CRY1: variants seen among roughly 807,000 people sequenced by gnomAD.
CRY1 encodes the protein cryptochrome-1.
In CRY1, 45 loss-of-function variants were observed where a neutral mutation model predicts 76.0. That is an observed-to-expected ratio of 0.59 (90% confidence interval 0.47 to 0.76). The LOEUF is 0.76. Among genes scored for constraint, CRY1 ranks in the 30% least tolerant of loss-of-function variants. The probability of loss-of-function intolerance (pLI) is 0.00; values close to 1 mark genes in which losing one functional copy is unlikely to be tolerated. For missense variants in CRY1, 587 were observed against 716.4 expected, an observed-to-expected ratio of 0.82 and a Z score of 2.06; for synonymous variants, 248 against 244.0, an observed-to-expected ratio of 1.02 and a Z score of -0.15.
intron 1 of CRY1, among the ~76,000 whole-genome samples, chr12:107,032,018 T>C (rs1052531309): frequency 1.3e-5 from 2 of 152,214 alleles, no homozygotes; most frequent in Admixed American, 1.3e-4. Flanking sequence ...CACTGCAACC[T>C]CCACCTCCCG....
At chr12:107,062,176 T>C (rs1295090106) in intron 1 of CRY1, among the ~76,000 whole-genome samples, 3 of 152,086 alleles carry the variant, frequency 2.0e-5, no homozygotes, top group African/African-American at 4.8e-5. Context: ...CATCGTATTA[T>C]GAATAAATGT....
intron 1 of CRY1, among the ~76,000 whole-genome samples, chr12:107,079,223 T>C (rs1953293679): frequency 2.0e-5 from 3 of 152,182 alleles, no homozygotes. Context: ...AAACTCATGA[T>C]GACTAGTTCA....
At chr12:107,027,196 A>G (rs1952626345) in intron 1 of CRY1, among the ~76,000 whole-genome samples, 1 of 152,182 alleles carries the variant, frequency 6.6e-6, no homozygotes. Flanking sequence ...TAGAGTTCAG[A>G]TTCAGTGTGT....
chr12:106,997,631 G>T lies in CRY1; in HGVS notation c.1349C>A (p.Ala450Glu). 6.2e-7 allele frequency: 1 copy of T among 1,614,100 alleles called. No individual in the cohort carries two copies. The highest frequency in any genetic ancestry group is 1.6e-4 in the Middle Eastern group (1 of 6,062). Residue 450 changes from alanine to glutamate, a missense_variant, in exon 9 of 13, where the codon GCA becomes GAA. Coordinates refer to ENST00000008527, the MANE Select transcript of CRY1 (RefSeq NM_004075.5). ...GGCTACCTTTTGGATACCTTCTGGT[G>T]CATTCCAGGGATCATAGATATATTT... Reference protein sequence around the residue: ...PAKYIYDPWNAPEGIQKVAKC... With the variant: ...PAKYIYDPWNEPEGIQKVAKC...
intron 1 of CRY1, among the ~76,000 whole-genome samples, chr12:107,053,562 C>T (rs1437324377): frequency 6.6e-6 from 1 of 152,162 alleles, no homozygotes; most frequent in Admixed American, 6.5e-5. Context: ...AGGTGATTTG[C>T]CTGCCTCGGC....
intron 2 of CRY1, among the ~76,000 whole-genome samples, chr12:107,014,049 T>TA (rs1411049440): frequency 1.3e-5 from 2 of 152,070 alleles, no homozygotes; most frequent in Non-Finnish European, 2.9e-5. Flanking sequence ...AAGGAATGAA[T>TA]AAAAAACTTA....
Position 107,050,590 on chromosome 12 carries a change from C to T in CRY1, c.159-28398G>A, listed in dbSNP as rs146569952. The stretch of plus-strand genomic sequence containing the variant: ...ATTGTAAGTTTCCTGAGGCCCTCAA[C>T]AGAAGCAAGTGTTAGCAGCAGCTTC... On this transcript the variant is annotated intron_variant, in intron 1 of 12. Coordinates refer to ENST00000008527, the MANE Select transcript of CRY1 (RefSeq NM_004075.5). Among the ~76,000 whole-genome samples the T allele has an allele frequency of 2.1e-3, 324 of 152,310 alleles. 4 individuals carry two copies. Among genetic ancestry groups the T allele is most frequent in the African/African-American group, 7.5e-3 (312 of 41,560 alleles).
chr12:107,058,736 T>C (rs919077084), intron 1 of CRY1, among the ~76,000 whole-genome samples: 2 of 152,220 alleles, frequency 1.3e-5, no homozygotes, highest in Non-Finnish European at 2.9e-5. Flanking sequence ...AAATTCTGAA[T>C]GTTGATAAGA....
intron 1 of CRY1, 114 bp downstream of exon 1, chr12:107,092,690 G>T: frequency 6.8e-7 from 1 of 1,461,528 alleles, no homozygotes; most frequent in Non-Finnish European, 9.4e-7. Context: ...TTCGTAAGCG[G>T]TATAAGCAAG....
At chr12:107,031,001 CT>C (rs1395543046) in intron 1 of CRY1, among the ~76,000 whole-genome samples, 2 of 152,114 alleles carry the variant, frequency 1.3e-5, no homozygotes, top group Non-Finnish European at 2.9e-5. Flanking sequence ...CCAACACAAG[CT>C]TTAACATTTC....
At chr12:107,007,529 TC>T (rs1952388378) in intron 2 of CRY1, among the ~76,000 whole-genome samples, 2 of 151,362 alleles carry the variant, frequency 1.3e-5, no homozygotes, top group African/African-American at 4.9e-5. Context: ...CTCTTTTTCT[TC>T]TTTTTTTTTT....
chr12:107,033,522 C>T (rs1952701261), intron 1 of CRY1, among the ~76,000 whole-genome samples: 1 of 152,062 alleles, frequency 6.6e-6, no homozygotes, highest in Non-Finnish European at 1.5e-5. Context: ...CTGCAATATA[C>T]AAAACATATT....
intron 1 of CRY1, among the ~76,000 whole-genome samples, chr12:107,069,613 A>AAGTATATATATATAAAGTATATATAT (rs1225916127): frequency 1.3e-5 from 1 of 75,326 alleles, no homozygotes; most frequent in African/African-American, 4.4e-5. Flanking sequence ...TATATATATA[A>AAGTATATATATATAAAGTATATATAT]AAAGTATATA....
intron 1 of CRY1, among the ~76,000 whole-genome samples, chr12:107,079,387 T>A (rs550969027): frequency 1.3e-5 from 2 of 151,858 alleles, no homozygotes; most frequent in Non-Finnish European, 1.5e-5. Flanking sequence ...GCAGAATAAG[T>A]GAAGTTCAGA....
At chr12:107,005,550 T>C (rs919871008) in intron 2 of CRY1, among the ~76,000 whole-genome samples, 3 of 152,224 alleles carry the variant, frequency 2.0e-5, no homozygotes, top group African/African-American at 7.2e-5. Flanking sequence ...CATACTTACA[T>C]TATTTCATTT....
In CRY1 at chr12:106,997,484, A is replaced by G. The variant is rs374477167; in HGVS notation, c.1492+4T>C. On this transcript the variant is annotated splice_donor_region_variant and intron_variant, in intron 9 of 12. Coordinates refer to ENST00000008527, the MANE Select transcript of CRY1 (RefSeq NM_004075.5). ...CAAAGAAACAAAGACAGTTCTTAACATACCTAGTCCTCTATATCGTGAAAG... is the reference window on the plus strand; with the variant it reads ...CAAAGAAACAAAGACAGTTCTTAACGTACCTAGTCCTCTATATCGTGAAAG... 1 of 1,613,222 alleles carries G rather than the reference A, an allele frequency of 6.2e-7. No individual in the cohort carries two copies.
rs17038945 is a variant in CRY1, at chr12:107,007,991, T to C, written c.268-2743A>G. ...AGCCATATTATTAGCAAAGCTGAAT[T>C]GTAGAAAACATACCAGGTTTCAGGG... is the stretch of plus-strand genomic sequence containing the variant. On this transcript the variant is annotated intron_variant, in intron 2 of 12. Transcript: ENST00000008527. Among the ~76,000 whole-genome samples the C allele has an allele frequency of 6.8e-3, 1,030 of 152,334 alleles. 4 individuals are homozygous for C. The highest frequency in any genetic ancestry group is 0.011 in the Non-Finnish European group (749 of 68,026).
chr12:107,012,232 C>G lies in CRY1; in HGVS notation c.268-6984G>C, dbSNP rs982513573. Among the ~76,000 whole-genome samples the G allele has an allele frequency of 5.5e-4, 83 of 152,136 alleles. 5 individuals carry two copies. The highest frequency in any genetic ancestry group is 1.0e-4 in the Non-Finnish European group (7 of 68,002). On this transcript the variant is annotated intron_variant, in intron 2 of 12. Coordinates refer to ENST00000008527, the MANE Select transcript of CRY1 (RefSeq NM_004075.5). Reference sequence around the variant, plus strand: ...AAAAAGTCAATGCCTAGCTTCAAAGCTTCAAAGGACAGGCTGACTTTCTTG... The same window carrying G: ...AAAAAGTCAATGCCTAGCTTCAAAGGTTCAAAGGACAGGCTGACTTTCTTG...
intron 3 of CRY1, 45 bp downstream of exon 3, chr12:107,005,059 TTA>T: frequency 6.4e-7 from 1 of 1,557,972 alleles, no homozygotes; most frequent in African/African-American, 1.4e-5. Flanking sequence ...ATGGTAAATA[TTA>T]TGTTATACGC....
Sources: allele counts gnomAD v4.1 joint callset (sites outside exome capture counted in the v4.1 genomes callset), GRCh38; gene constraint gnomAD v4.1.1; transcripts MANE v1.5; gene names NCBI Gene and HGNC (gene_info 2026-07-23, HGNC 2026-07-21).